The following HCN2 variants were observed in gnomAD, a reference collection of about 807,000 sequenced individuals.
HCN2 encodes the protein potassium/sodium hyperpolarization-activated cyclic nucleotide-gated channel 2.
A neutral mutation model predicts 52.3 loss-of-function variants in HCN2; 20 were observed. That is an observed-to-expected ratio of 0.38 (90% CI 0.27 to 0.56). HCN2 has a LOEUF of 0.56. Ranked by LOEUF, HCN2 falls within the 20% of genes least tolerant of loss-of-function variation. The pLI, the probability that HCN2 is intolerant of heterozygous loss-of-function variation, is 0.71. For missense variants in HCN2, 981 were observed against 1,207.7 expected (o/e 0.81, Z 2.78); for synonymous variants, 694 against 537.0 (o/e 1.29, Z -4.04).
chr19:609,038 C>G (rs143478380), intron 4 of HCN2, among the ~76,000 whole-genome samples: 1 of 152,298 alleles, frequency 6.6e-6, no homozygotes, highest in Non-Finnish European at 1.5e-5. Flanking sequence ...GCTGGCTGGT[C>G]CTGGCTGGGA....
chr19:612,427 T>TGTGTGTGTGTGAGAGAGA, intron 5 of HCN2, among the ~76,000 whole-genome samples: 86 of 142,352 alleles, frequency 6.0e-4, no homozygotes, highest in African/African-American at 2.0e-3. Flanking sequence ...TGTGTGTGTG[T>TGTGTGTGTGTGAGAGAGA]GAGAGAGAGA....
Position 605,236 on chromosome 19 carries a change from G to A in HCN2, c.1218+14G>A. 3 of 1,608,696 alleles carry A rather than the reference G, an allele frequency of 1.9e-6. No homozygotes were observed. The highest frequency in any genetic ancestry group is 1.3e-5 in the African/African-American group (1 of 74,882). On this transcript the variant is annotated intron_variant, in intron 3 of 7. Transcript: ENST00000251287. ...AATGGCATGGTGGTGAGCGCCGCGGGCCCTGACGGAGGGGGAGACGCAGGC... is the reference window on the plus strand; with the variant it reads ...AATGGCATGGTGGTGAGCGCCGCGGACCCTGACGGAGGGGGAGACGCAGGC...
intron 6 of HCN2, 50 bp from the exon 7 acceptor site, chr19:613,802 G>T (rs1983774426): frequency 2.1e-6 from 3 of 1,445,780 alleles, no homozygotes; most frequent in Admixed American, 2.7e-5. Flanking sequence ...GGCGGGGAGG[G>T]CCGCGGCGCC....
At chr19:611,774 C>G (rs1600535209) in intron 5 of HCN2, among the ~76,000 whole-genome samples, 1 of 152,166 alleles carries the variant, frequency 6.6e-6, no homozygotes, top group Admixed American at 6.5e-5. Flanking sequence ...CACCAGCTCA[C>G]TCCCCGTCCC....
intron 1 of HCN2, among the ~76,000 whole-genome samples, chr19:595,402 G>A (rs748647015): frequency 6.6e-6 from 1 of 151,728 alleles, no homozygotes; most frequent in Non-Finnish European, 1.5e-5. Context: ...TCCAGACATC[G>A]GTCCTTCTTT....
chr19:612,393 GGTGTGTGTGTGTGTGTGT>G lies in HCN2; in HGVS notation c.1585-837_1585-820del, dbSNP rs140326049. ...GTCTGACCGAATGTAGCTTTCCACTGGTGTGTGTGTGTGTGTGTGTGTGTGTGTGTGTGTGAGAGAGAG... is the reference window on the plus strand; with the variant it reads ...GTCTGACCGAATGTAGCTTTCCACTGGTGTGTGTGTGTGTGTGAGAGAGAG... On this transcript the variant is annotated intron_variant, in intron 5 of 7. Coordinates refer to ENST00000251287, the MANE Select transcript of HCN2 (RefSeq NM_001194.4). Among the ~76,000 whole-genome samples, 9 of 141,874 alleles carry G rather than the reference GGTGTGTGTGTGTGTGTGT, an allele frequency of 6.3e-5. No homozygotes were observed. In the East Asian group the frequency reaches 8.2e-4, roughly 13 times the overall value. The allele number at this position is 141,874 out of a possible 152,430, so 93.1% of individuals were successfully genotyped here. A position where few individuals can be genotyped will look rare whatever the true frequency, so the allele number is the denominator to read the frequency against.
chr19:590,876 G>A lies in HCN2; in HGVS notation c.632+299G>A. The A allele has an allele frequency of 4.7e-6, 1 of 211,142 alleles. No individual in the cohort carries two copies. The highest frequency in any genetic ancestry group is 9.4e-6 in the Non-Finnish European group (1 of 106,630). 13.1% of individuals were successfully genotyped at this position (211,142 alleles called of 1,614,324 possible). ...CGCAGGGCCAGGGTCTGAGCGCAGAGGGGCAGAGAGGACGAATAGAGGGGA... is the reference window on the plus strand; with the variant it reads ...CGCAGGGCCAGGGTCTGAGCGCAGAAGGGCAGAGAGGACGAATAGAGGGGA... On this transcript the variant is annotated intron_variant, in intron 1 of 7. Transcript: ENST00000251287. The surrounding 1 kb of genome is among the most constrained non-coding windows in gnomAD (Gnocchi z 7.2).
chr19:597,895 C>T (rs1034862548), intron 1 of HCN2, among the ~76,000 whole-genome samples: 1 of 152,194 alleles, frequency 6.6e-6, no homozygotes, highest in Non-Finnish European at 1.5e-5. Context: ...CTAGGTCCCC[C>T]TTGGTGGTCT....
At chr19:594,625 G>T (rs985633942) in intron 1 of HCN2, among the ~76,000 whole-genome samples, 2 of 152,176 alleles carry the variant, frequency 1.3e-5, no homozygotes, top group African/African-American at 2.4e-5. Flanking sequence ...CAGCCTGGGG[G>T]TGCAGCTCTG....
At chr19:608,238 T>G (rs1043390385) in intron 4 of HCN2, 56 bp downstream of exon 4, 1 of 1,519,818 alleles carries the variant, frequency 6.6e-7, no homozygotes, top group Non-Finnish European at 9.1e-7. Flanking sequence ...GGCCTGGATC[T>G]GGGGTCTGAG....
chr19:597,720 G>A (rs560847332), intron 1 of HCN2, among the ~76,000 whole-genome samples: 9 of 118,364 alleles, frequency 7.6e-5, no homozygotes, highest in Admixed American at 2.9e-4. Flanking sequence ...CTTCCTGGTG[G>A]TTTCTAGGTC....
At chr19:608,229 G>T (rs1983488659) in intron 4 of HCN2, 47 bp downstream of exon 4, 1 of 1,552,930 alleles carries the variant, frequency 6.4e-7, no homozygotes, top group Non-Finnish European at 8.9e-7. Context: ...GGGGAGGCGG[G>T]CCTGGATCTG....
intron 2 of HCN2, 57 bp downstream of exon 2, chr19:604,024 G>A: frequency 1.5e-6 from 2 of 1,341,204 alleles, no homozygotes; most frequent in Non-Finnish European, 2.0e-6. Flanking sequence ...AATGGTGCAT[G>A]GGCGGGGCCA....
intron 5 of HCN2, among the ~76,000 whole-genome samples, chr19:612,288 G>T (rs1459049213): frequency 6.6e-6 from 1 of 152,174 alleles, no homozygotes; most frequent in Non-Finnish European, 1.5e-5. Flanking sequence ...TTGCTAAGGG[G>T]AATTGCCCTG....
intron 6 of HCN2, 71 bp from the exon 7 acceptor site, chr19:613,781 C>T: frequency 2.9e-6 from 4 of 1,398,712 alleles, no homozygotes; most frequent in East Asian, 2.8e-5. Flanking sequence ...AGAGGCCGGG[C>T]CGTGTGCCTG....
At chr19:602,139 C>T (rs1057475366) in intron 1 of HCN2, among the ~76,000 whole-genome samples, 4 of 136,118 alleles carry the variant, frequency 2.9e-5, no homozygotes, top group African/African-American at 1.1e-4. Context: ...CCTCCTCTCT[C>T]CTCCTGCGTG....
intron 3 of HCN2, among the ~76,000 whole-genome samples, chr19:606,321 G>A (rs1162013825): frequency 5.3e-5 from 8 of 151,748 alleles, no homozygotes; most frequent in African/African-American, 9.7e-5. Context: ...GGCTGGTCTC[G>A]AACTCCTGAC....
At chr19:609,005 C>T (rs1302811254) in intron 4 of HCN2, among the ~76,000 whole-genome samples, 1 of 152,192 alleles carries the variant, frequency 6.6e-6, no homozygotes, top group East Asian at 1.9e-4. Context: ...CCACTCTGTG[C>T]CTCAGTTTCC....
rs1302284323 is a variant in HCN2, at chr19:616,895, GC to G, written c.*426del. 2 of 288,304 alleles carry G rather than the reference GC, an allele frequency of 6.9e-6. No individual in the cohort carries two copies. The highest frequency in any genetic ancestry group is 1.3e-5 in the Non-Finnish European group (2 of 152,366). The allele number at this position is 288,304 out of a possible 1,614,324, so 17.9% of individuals were successfully genotyped here. On this transcript the variant is annotated 3_prime_UTR_variant, in exon 8 of 8. Coordinates refer to ENST00000251287, the MANE Select transcript of HCN2 (RefSeq NM_001194.4). ...ATACTTGGCCCGCCGGCTTCCCGCT[GC>G]CCCCATCGCGCTCACGCAATAACCG...
Sources: allele counts gnomAD v4.1 joint callset (sites outside exome capture counted in the v4.1 genomes callset), GRCh38; gene constraint gnomAD v4.1.1; non-coding constraint Gnocchi (gnomAD v3.1); transcripts MANE v1.5; gene names NCBI Gene and HGNC (gene_info 2026-07-23, HGNC 2026-07-21).